Variants in ANKS1B observed in about 807,000 individuals in gnomAD.
The protein encoded by ANKS1B is ankyrin repeat and sterile alpha motif domain containing 1B, also known as ankyrin repeat and sterile alpha motif domain-containing protein 1B.
ANKS1B carries 36 observed loss-of-function variants against 148.3 expected under a neutral mutation model. The observed-to-expected ratio is 0.24, with a 90% CI of 0.19 to 0.32. The LOEUF is 0.32. Among genes scored for constraint, ANKS1B ranks in the 10% least tolerant of loss-of-function variants. The probability of loss-of-function intolerance (pLI) is 1.00; values close to 1 mark genes in which losing one functional copy is unlikely to be tolerated. For missense variants in ANKS1B, 1,157 were observed against 1,542.6 expected, an observed-to-expected ratio of 0.75 and a Z score of 4.19; for synonymous variants, 542 against 560.8, an observed-to-expected ratio of 0.97 and a Z score of 0.47.
intron 12 of ANKS1B, among the ~76,000 whole-genome samples, chr12:99,256,337 A>G (rs994863692): frequency 6.6e-6 from 1 of 152,150 alleles, no homozygotes; most frequent in South Asian, 2.1e-4. Flanking sequence ...AAAACTTTAG[A>G]GCATTTTACA....
intron 8 of ANKS1B, among the ~76,000 whole-genome samples, chr12:99,735,206 G>C (rs975740603): frequency 6.6e-6 from 1 of 151,868 alleles, no homozygotes; most frequent in Non-Finnish European, 1.5e-5. Flanking sequence ...TGCACCTAAA[G>C]GAATTAGAAA....
At chr12:99,458,626 T>C (rs1197853072) in intron 10 of ANKS1B, among the ~76,000 whole-genome samples, 1 of 151,956 alleles carries the variant, frequency 6.6e-6, no homozygotes, top group East Asian at 1.9e-4. Flanking sequence ...AAGGTTACTA[T>C]GAACACTTTT....
chr12:99,224,396 G>T (rs1294756437), intron 14 of ANKS1B, among the ~76,000 whole-genome samples: 1 of 152,148 alleles, frequency 6.6e-6, no homozygotes, highest in Non-Finnish European at 1.5e-5. Flanking sequence ...TGGATCATGG[G>T]GGGTGGTCCT....
At chr12:99,555,662 T>C (rs1212325941) in intron 9 of ANKS1B, among the ~76,000 whole-genome samples, 1 of 152,244 alleles carries the variant, frequency 6.6e-6, no homozygotes, top group African/African-American at 2.4e-5. Context: ...GGTTGAATTT[T>C]ATCAAAAGCC....
rs1302934040 is a variant in ANKS1B at position 98,751,998 on chromosome 12, A to G, written c.3580-476T>C. ...AAGCCAGACTAAGGCATAAGTGACT[A>G]TTCCTGTAAATTGTGTATTCAGTGA... On this transcript the variant is annotated intron_variant, in intron 25 of 26. Coordinates refer to ENST00000683438, the MANE Select transcript of ANKS1B (RefSeq NM_001352186.2). The surrounding 1 kb of genome is among the most constrained non-coding windows in gnomAD (Gnocchi z 4.3). Among the ~76,000 whole-genome samples the G allele has an allele frequency of 6.6e-6, 1 of 152,222 alleles. No individual in the cohort carries two copies. Among genetic ancestry groups the G allele is most frequent in the Non-Finnish European group, 1.5e-5 (1 of 68,040 alleles).
Position 99,154,844 on chromosome 12 carries a change from C to A in ANKS1B, c.2420-449G>T, listed in dbSNP as rs984438912. On this transcript the variant is annotated intron_variant, in intron 14 of 26. Transcript: ENST00000683438. Reference sequence around the variant, plus strand: ...TGCAGCTCCATGCTCCTTGCTCCCCCTCGCTCGCTCCCCTTCATTACCCAG... The same window carrying A: ...TGCAGCTCCATGCTCCTTGCTCCCCATCGCTCGCTCCCCTTCATTACCCAG... 2.1e-4 allele frequency: 325 copies of A among 1,528,598 alleles called. 1 individual carries two copies. Among genetic ancestry groups the A allele is most frequent in the East Asian group, 1.5e-4 (6 of 40,908 alleles). The allele number at this position is 1,528,598 out of a possible 1,614,324, so 94.7% of individuals were successfully genotyped here. A position where few individuals can be genotyped will look rare whatever the true frequency, so the allele number is the denominator to read the frequency against.
At chr12:99,184,368 G>A (rs921964178) in intron 14 of ANKS1B, among the ~76,000 whole-genome samples, 2 of 152,246 alleles carry the variant, frequency 1.3e-5, no homozygotes, top group Admixed American at 6.5e-5. Flanking sequence ...TTGGCCTAGA[G>A]GACTGATAGG....
chr12:98,835,991 C>T (rs2099360554), intron 17 of ANKS1B, among the ~76,000 whole-genome samples: 1 of 152,106 alleles, frequency 6.6e-6, no homozygotes, highest in Admixed American at 6.5e-5. Context: ...ACAATAAAAC[C>T]ATTCTCATTT....
intron 14 of ANKS1B, among the ~76,000 whole-genome samples, chr12:99,200,825 T>C (rs541372305): frequency 6.6e-6 from 1 of 152,338 alleles, no homozygotes; most frequent in East Asian, 1.9e-4. Flanking sequence ...CTCTTTTTCT[T>C]TCCTATGCAC....
chr12:99,937,141 G>C lies in ANKS1B; in HGVS notation c.134+46963C>G, dbSNP rs372663972. 1.8e-4 allele frequency among the ~76,000 whole-genome samples: 28 copies of C among 152,254 alleles called. No homozygotes were observed. The East Asian group carries it at 3.1e-3, about 17-fold the overall frequency. ...TTTCTGGATCTCTCTGAGTGCCCCA[G>C]GGGCATGCTTCTTGAAGCCCACTCA... is the stretch of plus-strand genomic sequence containing the variant. On this transcript the variant is annotated intron_variant, in intron 1 of 26. Transcript: ENST00000683438.
At chr12:99,615,657 C>T (rs1466929848) in intron 9 of ANKS1B, among the ~76,000 whole-genome samples, 7 of 152,090 alleles carry the variant, frequency 4.6e-5, no homozygotes, top group Non-Finnish European at 4.4e-5. Flanking sequence ...ATAATAAGAG[C>T]TATTTATGAC....
intron 25 of ANKS1B, among the ~76,000 whole-genome samples, chr12:98,772,602 G>T (rs541402541): frequency 6.6e-6 from 1 of 152,192 alleles, no homozygotes; most frequent in East Asian, 1.9e-4. Flanking sequence ...CAGATCTTGC[G>T]ACACTTACTC....
At chr12:98,971,045 C>A (rs2153203618) in intron 17 of ANKS1B, among the ~76,000 whole-genome samples, 1 of 152,274 alleles carries the variant, frequency 6.6e-6, no homozygotes, top group East Asian at 1.9e-4. Flanking sequence ...ATTAGGAAGT[C>A]CTGAAAAACA....
chr12:99,463,461 C>T (rs1052956409), intron 10 of ANKS1B, among the ~76,000 whole-genome samples: 11 of 152,142 alleles, frequency 7.2e-5, no homozygotes, highest in African/African-American at 1.9e-4. Context: ...TGCAGCACAC[C>T]GTGCGCGAGC....
intron 8 of ANKS1B, among the ~76,000 whole-genome samples, chr12:99,768,516 G>A (rs527843233): frequency 1.3e-4 from 20 of 152,112 alleles, no homozygotes; most frequent in Admixed American, 8.5e-4. Flanking sequence ...CTTATGATGT[G>A]CTAGTGTTCA....
intron 19 of ANKS1B, among the ~76,000 whole-genome samples, chr12:98,809,763 C>G (rs1462748091): frequency 6.6e-6 from 1 of 152,096 alleles, no homozygotes; most frequent in Non-Finnish European, 1.5e-5. Flanking sequence ...CCCCTTGTGG[C>G]CAAGGGGACC....
intron 17 of ANKS1B, among the ~76,000 whole-genome samples, chr12:98,945,505 CAAA>C (rs3051086): frequency 1.0e-3 from 31 of 30,280 alleles, no homozygotes; most frequent in East Asian, 1.8e-3. Flanking sequence ...AACAAACAAA[CAAA>C]AAAAAAAAAA....
chr12:99,365,281 T>A (rs1443252887), intron 12 of ANKS1B, among the ~76,000 whole-genome samples: 2 of 152,170 alleles, frequency 1.3e-5, no homozygotes, highest in Admixed American at 1.3e-4. Flanking sequence ...GACAAATAGT[T>A]GGTAGCCCAG....
chr12:99,041,266 GA>G (rs1207249341), intron 17 of ANKS1B, among the ~76,000 whole-genome samples: 2 of 152,084 alleles, frequency 1.3e-5, no homozygotes, highest in African/African-American at 4.8e-5. Context: ...CAAATTCAAT[GA>G]AAAAATATTG....
Sources: allele counts gnomAD v4.1 joint callset (sites outside exome capture counted in the v4.1 genomes callset), GRCh38; gene constraint gnomAD v4.1.1; non-coding constraint Gnocchi (gnomAD v3.1); transcripts MANE v1.5; gene names NCBI Gene and HGNC (gene_info 2026-07-23, HGNC 2026-07-21).